Variants in GALNT2 observed in about 807,000 individuals in gnomAD.
GALNT2 encodes UDP-GalNAc:polypeptide N-acetylgalactosaminyltransferase 2.
GALNT2 carries 31 observed loss-of-function variants against 81.4 expected under a neutral mutation model. The ratio of observed to expected loss-of-function variants is 0.38; its 90% confidence interval spans 0.29 to 0.51. GALNT2 has a LOEUF of 0.51. GALNT2 is among the 20% of genes least tolerant of loss of function. GALNT2 has a pLI of 0.87. For synonymous variants in GALNT2, 303 were observed against 287.4 expected (o/e 1.05, Z -0.55); for missense variants, 629 against 765.7 (o/e 0.82, Z 2.11).
intron 1 of GALNT2, among the ~76,000 whole-genome samples, chr1:230,113,140 A>AG (rs954522587): frequency 1.3e-5 from 2 of 152,160 alleles, no homozygotes; most frequent in Admixed American, 1.3e-4. Context: ...CAGCATCTGG[A>AG]GGGAGGGATA....
At chr1:230,261,077 TTC>T (rs1314355163) in intron 11 of GALNT2, among the ~76,000 whole-genome samples, 5 of 138,976 alleles carry the variant, frequency 3.6e-5, no homozygotes, top group South Asian at 2.3e-4. Flanking sequence ...GTCATAAAGT[TTC>T]TCTTTTTTTT....
Position 230,280,148 on chromosome 1 carries a change from G to C in GALNT2, c.*690G>C, listed in dbSNP as rs553499344. On this transcript the variant is annotated 3_prime_UTR_variant, in exon 16 of 16. Transcript: ENST00000366672. ...TTGTATATTCCCCACAAAGCCGTTC[G>C]CAGCTTCCGGGAGAAGGGGCCAGAG... is the stretch of plus-strand genomic sequence containing the variant. 2.4e-5 allele frequency: 9 copies of C among 382,526 alleles called. No individual in the cohort carries two copies. Among genetic ancestry groups the C allele is most frequent in the Non-Finnish European group, 4.2e-5 (8 of 190,330 alleles). 23.7% of individuals were successfully genotyped at this position (382,526 alleles called of 1,614,324 possible).
At chr1:230,198,374 C>T (rs113411019) in intron 2 of GALNT2, among the ~76,000 whole-genome samples, 20,895 of 106,350 alleles carry the variant, frequency 0.2, 591 homozygotes, top group African/African-American at 0.24. Flanking sequence ...AGCCCAGGAG[C>T]GTACGAGGAG....
chr1:230,120,569 C>A (rs145918196), intron 1 of GALNT2, among the ~76,000 whole-genome samples: 2,528 of 152,286 alleles, frequency 0.017, 37 homozygotes, highest in Non-Finnish European at 0.026. Context: ...CCTGTGCCAG[C>A]TGGACACGAA....
intron 15 of GALNT2, among the ~76,000 whole-genome samples, chr1:230,278,812 G>A (rs1461095518): frequency 6.6e-6 from 1 of 152,194 alleles, no homozygotes; most frequent in East Asian, 1.9e-4. Context: ...GCTCCCCCGA[G>A]CAGAAAGCCC....
At chr1:230,240,467 C>T (rs1052238628) in intron 6 of GALNT2, among the ~76,000 whole-genome samples, 1 of 152,150 alleles carries the variant, frequency 6.6e-6, no homozygotes, top group African/African-American at 2.4e-5. Flanking sequence ...TGGCATGCGC[C>T]TGTAGTCCCA....
chr1:230,087,154 G>A (rs147674086), intron 1 of GALNT2, among the ~76,000 whole-genome samples: 93 of 152,288 alleles, frequency 6.1e-4, no homozygotes, highest in African/African-American at 2.1e-3. Flanking sequence ...TTTATGCAGC[G>A]GGCTCTAAGC....
chr1:230,081,599 TTAA>T (rs1659731476), intron 1 of GALNT2, among the ~76,000 whole-genome samples: 1 of 152,110 alleles, frequency 6.6e-6, no homozygotes, highest in Non-Finnish European at 1.5e-5. Context: ...GGAAGACAAA[TTAA>T]TAATTGTGGC....
chr1:230,268,304 TC>T (rs200751604), intron 14 of GALNT2: 5,609 of 151,968 alleles, frequency 0.037, 307 homozygotes, highest in East Asian at 0.22. Flanking sequence ...GAAGCTTACC[TC>T]TGGTCTGTGG....
intron 6 of GALNT2, 52 bp downstream of exon 6, chr1:230,236,777 G>A: frequency 6.5e-7 from 1 of 1,548,360 alleles, no homozygotes; most frequent in Non-Finnish European, 8.8e-7. Context: ...GACTTTTCCT[G>A]TAATAACATA....
intron 1 of GALNT2, among the ~76,000 whole-genome samples, chr1:230,071,611 T>C (rs1659377248): frequency 6.6e-6 from 1 of 152,158 alleles, no homozygotes; most frequent in Middle Eastern, 3.4e-3. Context: ...CGTGGTTTAA[T>C]GGGTGCCAAA....
In GALNT2 at chr1:230,145,473, CTG is replaced by C. The variant is rs570901498; in HGVS notation, c.127-32743_127-32742del. On this transcript the variant is annotated intron_variant, in intron 1 of 15. Coordinates refer to ENST00000366672, the MANE Select transcript of GALNT2 (RefSeq NM_004481.5). The stretch of plus-strand genomic sequence containing the variant: ...TTTGAAGCCAGTCCCCCATTTCCCT[CTG>C]TTTTTGTTGTTATCACATACTGTAG... Among the ~76,000 whole-genome samples, 10 of 152,374 alleles carry C rather than the reference CTG, an allele frequency of 6.6e-5. No homozygotes were observed. In the South Asian group the frequency reaches 2.1e-3, roughly 32 times the overall value.
chr1:230,061,215 TGTGTG>T (rs1281508952), intron 1 of GALNT2, among the ~76,000 whole-genome samples: 4 of 151,916 alleles, frequency 2.6e-5, no homozygotes, highest in Non-Finnish European at 4.4e-5. Flanking sequence ...TGTGTGTGTG[TGTGTG>T]TGTGTCTGTA....
chr1:230,215,815 A>G (rs1664373949), intron 3 of GALNT2, among the ~76,000 whole-genome samples: 1 of 152,248 alleles, frequency 6.6e-6, no homozygotes, highest in South Asian at 2.1e-4. Context: ...ATGTACACAT[A>G]AACTACATAC....
At chr1:230,142,647 C>T (rs940247071) in intron 1 of GALNT2, among the ~76,000 whole-genome samples, 1 of 152,140 alleles carries the variant, frequency 6.6e-6, no homozygotes, top group Non-Finnish European at 1.5e-5. Flanking sequence ...GGTAAAAATA[C>T]GCCTGTGCTT....
chr1:230,167,140 T>C (rs895183793), intron 1 of GALNT2, among the ~76,000 whole-genome samples: 3 of 152,088 alleles, frequency 2.0e-5, no homozygotes, highest in Non-Finnish European at 4.4e-5. Flanking sequence ...TCAAGTGTTT[T>C]ATTTTTTTGG....
At chr1:230,241,492 G>A (rs1665200640) in intron 6 of GALNT2, among the ~76,000 whole-genome samples, 1 of 152,052 alleles carries the variant, frequency 6.6e-6, no homozygotes, top group Non-Finnish European at 1.5e-5. Context: ...TGTTGCTCAG[G>A]CTGGAGTGCA....
chr1:230,067,155 G>T, upstream of GALNT2: 1 of 392,770 alleles, frequency 2.5e-6, no homozygotes, highest in Non-Finnish European at 3.8e-6. Flanking sequence ...AGCACCGCGC[G>T]GGAGGAGGAG....
At chr1:230,178,379 T>G in intron 2 of GALNT2, 68 bp downstream of exon 2, 1 of 1,192,522 alleles carries the variant, frequency 8.4e-7, no homozygotes, top group South Asian at 1.4e-5. Flanking sequence ...AGCATGGCTC[T>G]TGGAGCAGGT....
Sources: allele counts gnomAD v4.1 joint callset (sites outside exome capture counted in the v4.1 genomes callset), GRCh38; gene constraint gnomAD v4.1.1; transcripts MANE v1.5; gene names NCBI Gene and HGNC (gene_info 2026-07-23, HGNC 2026-07-21).